NCR2: variants seen among roughly 807,000 people sequenced by gnomAD.
The protein encoded by NCR2 is natural cytotoxicity triggering receptor 2, also known as NK cell activating receptor (NKp44).
A neutral mutation model predicts 30.7 loss-of-function variants in NCR2; 35 were observed. The observed-to-expected ratio is 1.14, with a 90% confidence interval of 0.87 to 1.51. The LOEUF (loss-of-function observed/expected upper bound fraction) is 1.51. Among genes scored for constraint, NCR2 ranks in the 40% most tolerant of loss-of-function variants. The pLI is 0.00. For missense variants in NCR2, 316 were observed against 328.9 expected (o/e 0.96, Z 0.30); for synonymous variants, 146 against 134.8 (o/e 1.08, Z -0.58).
Position 41,337,977 on chromosome 6 carries a change from T to A in NCR2, c.394+1549T>A, listed in dbSNP as rs565858149. Reference sequence around the variant, plus strand: ...TTTCCCATGAGCACTTGTGAAGATATGCAATATCAATATTATCACTTATTT... The same window carrying A: ...TTTCCCATGAGCACTTGTGAAGATAAGCAATATCAATATTATCACTTATTT... On this transcript the variant is annotated intron_variant, in intron 2 of 4. Transcript: ENST00000373089. 2.0e-5 allele frequency among the ~76,000 whole-genome samples: 3 copies of A among 152,232 alleles called. No individual in the cohort carries two copies. In the South Asian group the frequency reaches 6.2e-4, roughly 32 times the overall value.
intron 4 of NCR2, among the ~76,000 whole-genome samples, chr6:41,345,030 AC>A (rs1769268228): frequency 6.6e-6 from 1 of 151,230 alleles, no homozygotes; most frequent in South Asian, 2.1e-4. Context: ...CCAGGCCCCC[AC>A]TGCACACTCT....
chr6:41,341,435 G>T (rs960560033), intron 2 of NCR2, among the ~76,000 whole-genome samples: 1 of 152,144 alleles, frequency 6.6e-6, no homozygotes, highest in Admixed American at 6.5e-5. Context: ...CCAGAGGCAT[G>T]AGAAAGAGAA....
chr6:41,335,729 T>C lies in NCR2; in HGVS notation c.-148T>C. On this transcript the variant is annotated 5_prime_UTR_variant, in exon 1 of 5. Coordinates refer to ENST00000373089, the MANE Select transcript of NCR2 (RefSeq NM_004828.4). ...TGCCCACAGAATCTGCCCTTTGCAG[T>C]CTCCCATCTCCCCAACCCAGGCCTC... 2 of 857,560 alleles carry C rather than the reference T, an allele frequency of 2.3e-6. No homozygotes were observed. The highest frequency in any genetic ancestry group is 1.5e-5 in the South Asian group (1 of 68,496). 53.1% of individuals were successfully genotyped at this position (857,560 alleles called of 1,614,324 possible).
chr6:41,339,144 C>T (rs1769106973), intron 2 of NCR2, among the ~76,000 whole-genome samples: 1 of 152,210 alleles, frequency 6.6e-6, no homozygotes, highest in Non-Finnish European at 1.5e-5. Context: ...TCACTGCAAC[C>T]TCCACCTCCA....
chr6:41,348,054 C>T (rs572954424), intron 4 of NCR2, among the ~76,000 whole-genome samples: 7 of 152,352 alleles, frequency 4.6e-5, no homozygotes, highest in Admixed American at 4.6e-4. Context: ...CCATATTCTA[C>T]TCATCGGAAG....
chr6:41,342,986 A>G, intron 4 of NCR2: 1 of 1,550,602 alleles, frequency 6.4e-7, no homozygotes, highest in Non-Finnish European at 8.7e-7. Flanking sequence ...CCCAGGCCCC[A>G]GGCCCATAGA....
At chr6:41,346,871 G>GA (rs1270258019) in intron 4 of NCR2, among the ~76,000 whole-genome samples, 1 of 151,602 alleles carries the variant, frequency 6.6e-6, no homozygotes, top group Admixed American at 6.6e-5. Context: ...GAGAGGAAGA[G>GA]AAAAAGAGGA....
At chr6:41,337,482 TCAAA>T (rs1485253298) in intron 2 of NCR2, among the ~76,000 whole-genome samples, 1 of 152,198 alleles carries the variant, frequency 6.6e-6, no homozygotes, top group African/African-American at 2.4e-5. Context: ...TATGCACCCT[TCAAA>T]CAAACACCCT....
intron 4 of NCR2, among the ~76,000 whole-genome samples, chr6:41,343,846 G>A (rs1769236737): frequency 6.6e-6 from 1 of 152,136 alleles, no homozygotes; most frequent in Non-Finnish European, 1.5e-5. Context: ...TAGCACCAGT[G>A]ACCCCATTTT....
intron 2 of NCR2, among the ~76,000 whole-genome samples, chr6:41,337,191 T>C (rs2114047266): frequency 6.6e-6 from 1 of 151,934 alleles, no homozygotes; most frequent in South Asian, 2.1e-4. Context: ...TAAAATACAG[T>C]AAAAAAAAAT....
At chr6:41,349,832 G>C (rs1769386698) in intron 4 of NCR2, among the ~76,000 whole-genome samples, 1 of 152,174 alleles carries the variant, frequency 6.6e-6, no homozygotes, top group South Asian at 2.1e-4. Context: ...CCCTGGATTT[G>C]ATTTTAGCAT....
chr6:41,336,346 A>G lies in NCR2; in HGVS notation c.312A>G (p.Ser104=), dbSNP rs1375509402. 1 of 1,614,060 alleles carries G rather than the reference A, an allele frequency of 6.2e-7. No individual in the cohort carries two copies. Among genetic ancestry groups the G allele is most frequent in the Non-Finnish European group, 8.5e-7 (1 of 1,180,032 alleles). ...TGACTGATCTGAGAGAGGAAGACTCAGGACATTACTGGTGTAGAATCTACC... is the reference window on the plus strand; with the variant it reads ...TGACTGATCTGAGAGAGGAAGACTCGGGACATTACTGGTGTAGAATCTACC... ...VTMTDLREED[S]GHYWCRIYRP... is the part of the protein sequence containing the mutation. Residue 104 remains serine (S), a synonymous_variant, in exon 2 of 5, where the codon TCA becomes TCG. Coordinates refer to ENST00000373089, the MANE Select transcript of NCR2 (RefSeq NM_004828.4).
chr6:41,336,259 G>A lies in NCR2; in HGVS notation c.225G>A (p.Met75Ile), dbSNP rs756839447. Residue 75 changes from methionine to isoleucine, a missense_variant, in exon 2 of 5, where the codon ATG becomes ATA. By Grantham distance (10) the Met-to-Ile change is conservative. Transcript: ENST00000373089. ...TCACCAGCTCCAAGCCCAGGACGAT[G>A]GCTTGGACCTCTCGATTCACAATCT... is the stretch of plus-strand genomic sequence containing the variant. ...RLVTSSKPRT[M>I]AWTSRFTIWD... is the part of the protein sequence containing the mutation. 2 of 1,614,166 alleles carry A rather than the reference G, an allele frequency of 1.2e-6. No homozygotes were observed. Among genetic ancestry groups the A allele is most frequent in the Non-Finnish European group, 1.7e-6 (2 of 1,180,032 alleles).
At position 41,342,940 on chromosome 6, in the gene NCR2, C is replaced by A. The variant is rs1231232030; in HGVS notation, c.644+791C>A. ...AAGGGTTTTAAGGAATCGGCACATG[C>A]AGCATCAAGGGAGGTCTCTGCTGCA... On this transcript the variant is annotated intron_variant, in intron 4 of 4. Transcript: ENST00000373089. 3 of 1,550,470 alleles carry A rather than the reference C, an allele frequency of 1.9e-6. No homozygotes were observed. In the Admixed American group the frequency reaches 5.9e-5, roughly 30 times the overall value.
intron 4 of NCR2, among the ~76,000 whole-genome samples, chr6:41,345,041 T>A (rs1769268636): frequency 6.6e-6 from 1 of 152,052 alleles, no homozygotes; most frequent in Non-Finnish European, 1.5e-5. Flanking sequence ...CTGCACACTC[T>A]CTCTCTGTGG....
intron 2 of NCR2, among the ~76,000 whole-genome samples, chr6:41,340,582 A>T (rs989348274): frequency 5.9e-5 from 9 of 152,202 alleles, no homozygotes; most frequent in Non-Finnish European, 1.0e-4. Context: ...GCTGGTCTAT[A>T]TCCTGTTCAA....
In NCR2 at chr6:41,336,507, C is replaced by A. The variant is rs531984270; in HGVS notation, c.394+79C>A. ...CCTCCATCACCCCTGGTTTCCCAAT[C>A]GTGGAAGCCACCCATGCCCACGCCC... On this transcript the variant is annotated intron_variant, in intron 2 of 4. Transcript: ENST00000373089. The A allele has an allele frequency of 1.2e-5, 15 of 1,256,552 alleles. No individual in the cohort carries two copies. The South Asian group carries it at 1.9e-4, about 16-fold the overall frequency. The allele number at this position is 1,256,552 out of a possible 1,614,324, so 77.8% of individuals were successfully genotyped here. A position where few individuals can be genotyped will look rare whatever the true frequency, so the allele number is the denominator to read the frequency against.
chr6:41,342,176 G>A (rs1269562349), intron 4 of NCR2, 27 bp downstream of exon 4: 5 of 1,609,052 alleles, frequency 3.1e-6, no homozygotes, highest in Non-Finnish European at 4.2e-6. Context: ...TTGAACTCGG[G>A]GAAAATGGAA....
chr6:41,337,688 G>A (rs1769069228), intron 2 of NCR2, among the ~76,000 whole-genome samples: 1 of 152,158 alleles, frequency 6.6e-6, no homozygotes, highest in South Asian at 2.1e-4. Flanking sequence ...TATAATGTCA[G>A]AAATAGAAGA....
Sources: allele counts gnomAD v4.1 joint callset (sites outside exome capture counted in the v4.1 genomes callset), GRCh38; gene constraint gnomAD v4.1.1; transcripts MANE v1.5; gene names NCBI Gene and HGNC (gene_info 2026-07-23, HGNC 2026-07-21).